Variants in MPP3 observed in about 807,000 individuals in gnomAD.
The protein encoded by MPP3 is MAGUK p55 scaffold protein 3, also known as MAGUK p55 subfamily member 3.
A neutral mutation model predicts 80.7 loss-of-function variants in MPP3; 48 were observed. That is an observed-to-expected ratio of 0.59 (90% CI 0.47 to 0.76). MPP3 has a LOEUF of 0.76. Among genes scored for constraint, MPP3 ranks in the 30% least tolerant of loss-of-function variants. The pLI, the probability that MPP3 is intolerant of heterozygous loss-of-function variation, is 0.00. For missense variants in MPP3, 620 were observed against 763.0 expected, an observed-to-expected ratio of 0.81 and a Z score of 2.21; for synonymous variants, 311 against 297.6, an observed-to-expected ratio of 1.04 and a Z score of -0.46.
intron 13 of MPP3, 98 bp from the exon 14 acceptor site, chr17:43,816,177 TG>T: frequency 9.5e-7 from 1 of 1,048,992 alleles, no homozygotes; most frequent in Non-Finnish European, 1.4e-6. Flanking sequence ...AAGAGCCCCC[TG>T]GGATGGTGTC....
At chr17:43,811,408 G>C in intron 16 of MPP3, 1 of 569,356 alleles carries the variant, frequency 1.8e-6, no homozygotes, top group Non-Finnish European at 3.1e-6. Context: ...CTTTGATGTA[G>C]GCAAAAGGAG....
In MPP3 at chr17:43,827,733, T is replaced by G. The variant is rs766657041; in HGVS notation, c.523+18A>C. ...GCCATGATCGGGGCTGGGCCAGCTT[T>G]GCACTGCCGCCACTCACCGCTCCTG... On this transcript the variant is annotated intron_variant, in intron 8 of 19. Coordinates refer to ENST00000398389, the MANE Select transcript of MPP3 (RefSeq NM_001932.6). 17 of 1,608,368 alleles carry G rather than the reference T, an allele frequency of 1.1e-5. No individual in the cohort carries two copies. The highest frequency in any genetic ancestry group is 1.4e-5 in the Non-Finnish European group (16 of 1,179,832).
rs182326582 is a variant in MPP3 at position 43,818,742 on chromosome 17, C to T, written c.882-632G>A. Among the ~76,000 whole-genome samples the T allele has an allele frequency of 3.4e-4, 51 of 152,072 alleles. 1 individual carries two copies. In the Middle Eastern group the frequency reaches 0.01, roughly 30 times the overall value. On this transcript the variant is annotated intron_variant, in intron 11 of 19. Transcript: ENST00000398389. ...GAGTTCGAGACCAGCCTGGCCAACA[C>T]GGTGAAACCCCGTCTCTACTAAAAA...
chr17:43,823,760 G>C (rs1490692712), intron 10 of MPP3, among the ~76,000 whole-genome samples, 171 bp downstream of exon 10: 1 of 152,174 alleles, frequency 6.6e-6, no homozygotes, highest in Non-Finnish European at 1.5e-5. Flanking sequence ...ACAAACAAAT[G>C]CATCACTTTG....
In MPP3 at chr17:43,816,863, A is replaced by G. The variant is rs2045168820; in HGVS notation, c.947-166T>C. On this transcript the variant is annotated intron_variant, in intron 12 of 19. Transcript: ENST00000398389. ...GAGCTGTGGTACGTTATTAAACCCCAAGACCTGCTCTAATTAGTCTTCTTG... is the reference window on the plus strand; with the variant it reads ...GAGCTGTGGTACGTTATTAAACCCCGAGACCTGCTCTAATTAGTCTTCTTG... 3.3e-5 allele frequency among the ~76,000 whole-genome samples: 5 copies of G among 152,192 alleles called. No individual in the cohort carries two copies. In the South Asian group the frequency reaches 1.0e-3, roughly 31 times the overall value.
chr17:43,818,234 C>T, intron 11 of MPP3, 124 bp from the exon 12 acceptor site: 1 of 716,008 alleles, frequency 1.4e-6, no homozygotes, highest in African/African-American at 1.9e-5. Context: ...ACTGGACACT[C>T]TGAGGGCCTC....
chr17:43,815,572 C>T (rs1039999690), intron 14 of MPP3, among the ~76,000 whole-genome samples: 14 of 152,024 alleles, frequency 9.2e-5, no homozygotes, highest in African/African-American at 3.1e-4. Context: ...CACTACTGCA[C>T]TCCAGCGTGA....
At chr17:43,826,330 T>C (rs1339774999) in intron 8 of MPP3, among the ~76,000 whole-genome samples, 3 of 152,228 alleles carry the variant, frequency 2.0e-5, no homozygotes, top group Non-Finnish European at 4.4e-5. Flanking sequence ...TCTCTGCATA[T>C]TAGGGCCCTA....
chr17:43,808,885 T>C (rs2044728854), intron 19 of MPP3, 71 bp downstream of exon 19: 20 of 1,523,252 alleles, frequency 1.3e-5, no homozygotes, highest in Non-Finnish European at 1.6e-5. Context: ...AGCACCCTTA[T>C]GCAGCTAGAA....
chr17:43,818,108 C>A lies in MPP3; in HGVS notation c.884G>T (p.Arg295Leu). The change falls in exon 12 of 20, where the codon CGA becomes CTA. Residue 295 changes from arginine to leucine, a missense_variant and splice_region_variant. By Grantham distance (102) the Arg-to-Leu change is moderately radical (BLOSUM62 -2). Transcript: ENST00000398389. ...LIPSKGFQER[R>L]LSYRRAAGTL... Reference sequence around the variant, plus strand: ...GCCCGCGGCTCTCCGGTAGCTTAGTCGTCTGCAGGGACACAAGGGGATGGG... The same window carrying A: ...GCCCGCGGCTCTCCGGTAGCTTAGTAGTCTGCAGGGACACAAGGGGATGGG... 1 of 1,553,266 alleles carries A rather than the reference C, an allele frequency of 6.4e-7. No homozygotes were observed. The highest frequency in any genetic ancestry group is 8.7e-7 in the Non-Finnish European group (1 of 1,147,104).
chr17:43,814,714 T>G, intron 14 of MPP3: 1 of 194,124 alleles, frequency 5.2e-6, no homozygotes, highest in Non-Finnish European at 1.0e-5. Context: ...CAAGGGAAAA[T>G]GTCATAAAGG....
chr17:43,824,820 G>A (rs2045622847), intron 9 of MPP3, among the ~76,000 whole-genome samples: 1 of 152,106 alleles, frequency 6.6e-6, no homozygotes, highest in Non-Finnish European at 1.5e-5. Context: ...CATTGCCCAG[G>A]CTGGAGTGCA....
At chr17:43,810,222 A>G (rs1598328276) in intron 18 of MPP3, among the ~76,000 whole-genome samples, 1 of 152,334 alleles carries the variant, frequency 6.6e-6, no homozygotes, top group African/African-American at 2.4e-5. Context: ...TTGAGTTCAA[A>G]GCTTGGAAGT....
In MPP3 at chr17:43,807,869, A is replaced by T. The variant is rs1428501218; in HGVS notation, c.1581+1087T>A. Among the ~76,000 whole-genome samples, 3 of 152,048 alleles carry T rather than the reference A, an allele frequency of 2.0e-5. No individual in the cohort carries two copies. In the East Asian group the frequency reaches 5.8e-4, roughly 30 times the overall value. On this transcript the variant is annotated intron_variant, in intron 19 of 19. Transcript: ENST00000398389. ...CAGCTACCTAGGAAGCTGAGGAAGG[A>T]AGACTGCTTGAGCCCAGGAGTTCAA...
At chr17:43,815,832 T>C in intron 14 of MPP3, 1 of 667,452 alleles carries the variant, frequency 1.5e-6, no homozygotes, top group Non-Finnish European at 2.7e-6. Flanking sequence ...GCCCCACAGC[T>C]GGGTAAAAGC....
intron 18 of MPP3, among the ~76,000 whole-genome samples, chr17:43,809,469 G>A (rs568617936): frequency 5.1e-4 from 77 of 152,238 alleles, no homozygotes; most frequent in Non-Finnish European, 9.4e-4. Flanking sequence ...GTCATCAATC[G>A]GACTACATTA....
chr17:43,815,198 G>A (rs1297276816), intron 14 of MPP3, among the ~76,000 whole-genome samples: 1 of 152,060 alleles, frequency 6.6e-6, no homozygotes, highest in African/African-American at 2.4e-5. Flanking sequence ...CAGGTATAGT[G>A]GCATGCACCT....
In MPP3 at chr17:43,831,244, G is replaced by A. The variant is rs781105702; in HGVS notation, c.222C>T (p.Asp74=). The part of the protein sequence containing the change: ...VLHSAVALAE[D]VMEELQAASV... ...CTGTAAGGAGAAACCTGGGGCTTAC[G>A]TCCTCAGCGAGGGCCACAGCGCTGT... The change falls in exon 5 of 20, where the codon GAC becomes GAT. Residue 74 remains aspartate, a splice_region_variant and synonymous_variant. Coordinates refer to ENST00000398389, the MANE Select transcript of MPP3 (RefSeq NM_001932.6). The A allele has an allele frequency of 6.8e-6, 11 of 1,613,844 alleles. No homozygotes were observed. The highest frequency in any genetic ancestry group is 1.6e-4 in the Middle Eastern group (1 of 6,082).
At chr17:43,802,641 G>A (rs961508681) in intron 19 of MPP3, among the ~76,000 whole-genome samples, 1 of 152,210 alleles carries the variant, frequency 6.6e-6, no homozygotes, top group Non-Finnish European at 1.5e-5. Flanking sequence ...TATTTCAAGT[G>A]AGTAGTTGTC....
Sources: gnomAD v4.1 joint callset for allele counts (sites outside exome capture counted in the v4.1 genomes callset) on GRCh38, gnomAD v4.1.1 for gene constraint, MANE v1.5 for transcripts, NCBI Gene and HGNC (gene_info 2026-07-23, HGNC 2026-07-21) for gene names.